SLC35D1: variants seen among roughly 807,000 people sequenced by gnomAD.
SLC35D1 encodes the protein nucleotide sugar transporter SLC35D1.
Under a neutral mutation model 46.7 loss-of-function variants are expected in SLC35D1, and 31 were observed. The ratio of observed to expected loss-of-function variants is 0.66; its 90% CI spans 0.50 to 0.90. SLC35D1 has a LOEUF of 0.90. SLC35D1 is among the 40% of genes least tolerant of loss of function. SLC35D1 has a pLI of 0.00. For missense variants in SLC35D1, 397 were observed against 426.2 expected (o/e 0.93, Z 0.60); for synonymous variants, 195 against 164.6 (o/e 1.18, Z -1.41).
intron 4 of SLC35D1, among the ~76,000 whole-genome samples, chr1:67,051,637 A>C (rs1347293166): frequency 6.6e-6 from 1 of 152,226 alleles, no homozygotes; most frequent in Non-Finnish European, 1.5e-5. Flanking sequence ...TGCTGTGTGG[A>C]AGTTGCCTAA....
chr1:67,022,060 T>C (rs977123859), intron 8 of SLC35D1, among the ~76,000 whole-genome samples: 6 of 152,210 alleles, frequency 3.9e-5, no homozygotes, highest in African/African-American at 1.4e-4. Flanking sequence ...GCCTTAGTTA[T>C]ACAAATTCAG....
chr1:67,022,141 G>A (rs1667819982), intron 8 of SLC35D1, among the ~76,000 whole-genome samples: 1 of 152,156 alleles, frequency 6.6e-6, no homozygotes, highest in Admixed American at 6.5e-5. Flanking sequence ...TTGTGTTGTT[G>A]TTGTTGTCTG....
intron 8 of SLC35D1, among the ~76,000 whole-genome samples, chr1:67,029,100 AC>A (rs960182415): frequency 3.3e-5 from 5 of 152,342 alleles, no homozygotes; most frequent in African/African-American, 9.6e-5. Context: ...TGAATTATAA[AC>A]CTGTACCAAA....
downstream of SLC35D1, among the ~76,000 whole-genome samples, chr1:66,994,607 G>A (rs2102207054): frequency 6.6e-6 from 1 of 151,470 alleles, no homozygotes; most frequent in South Asian, 2.1e-4. Context: ...TCGCGCCACT[G>A]CACTCCAGCC....
chr1:67,029,470 G>A (rs1345381419), intron 8 of SLC35D1, among the ~76,000 whole-genome samples: 3 of 152,150 alleles, frequency 2.0e-5, no homozygotes, highest in Non-Finnish European at 4.4e-5. Context: ...ACAATAAACT[G>A]GCCTACGACT....
At chr1:66,988,455 T>C in the SLC35D1 span, 1 of 152,428 alleles carries the variant, frequency 6.6e-6, no homozygotes, top group African/African-American at 2.4e-5. Flanking sequence ...CTAATACCAG[T>C]TTTCCATAAA....
At chr1:67,004,594 T>A in intron 11 of SLC35D1, 146 bp from the exon 12 acceptor site, 3 of 686,848 alleles carry the variant, frequency 4.4e-6, no homozygotes, top group Non-Finnish European at 7.8e-6. Flanking sequence ...GTACTATGCA[T>A]CCATTAAAAT....
chr1:67,025,071 C>T lies in SLC35D1; in HGVS notation c.730-3469G>A, dbSNP rs58993755. On this transcript the variant is annotated intron_variant, in intron 8 of 11. Coordinates refer to ENST00000235345, the MANE Select transcript of SLC35D1 (RefSeq NM_015139.3). ...CCTTGATTTCCCTTCTTAGTAAGAA[C>T]ACCAGTCATATTGAATTAGTGACCC... Among the ~76,000 whole-genome samples the T allele has an allele frequency of 5.8e-3, 884 of 152,212 alleles. 7 individuals are homozygous for T. Among genetic ancestry groups the T allele is most frequent in the African/African-American group, 0.02 (819 of 41,526 alleles).
Position 67,009,240 on chromosome 1 carries a change from A to G in SLC35D1, c.877-73T>C, listed in dbSNP as rs551897062. The stretch of plus-strand genomic sequence containing the variant: ...TCTTAAATATATATAAAACTCATCC[A>G]AATATCTGTCCTTAAAATACAAAAA... On this transcript the variant is annotated intron_variant, in intron 10 of 11. Transcript: ENST00000235345. The G allele has an allele frequency of 7.5e-6, 4 of 529,838 alleles. No homozygotes were observed. The South Asian group carries it at 8.1e-5, about 11-fold the overall frequency. The allele number at this position is 529,838 out of a possible 1,614,324, so 32.8% of individuals were successfully genotyped here.
At chr1:66,983,446 A>G in the SLC35D1 span, among the ~76,000 whole-genome samples, 1 of 152,018 alleles carries the variant, frequency 6.6e-6, no homozygotes, top group East Asian at 1.9e-4. Flanking sequence ...AAGCAATTAA[A>G]TTGTAATTAT....
intron 8 of SLC35D1, among the ~76,000 whole-genome samples, chr1:67,023,485 C>CAA (rs1667853415): frequency 2.0e-5 from 2 of 97,664 alleles, no homozygotes; most frequent in African/African-American, 9.0e-5. Context: ...AATCTTTTGC[C>CAA]ATTTTTTTTT....
the SLC35D1 span, chr1:66,988,149 G>GT: frequency 1.3e-5 from 2 of 151,512 alleles, no homozygotes; most frequent in African/African-American, 4.9e-5. Context: ...AGATAGTAAG[G>GT]TTTTCCCAAC....
At chr1:67,019,832 T>C (rs1667760706) in intron 10 of SLC35D1, among the ~76,000 whole-genome samples, 1 of 152,200 alleles carries the variant, frequency 6.6e-6, no homozygotes, top group South Asian at 2.1e-4. Context: ...TCAAGTCAAC[T>C]TGGCTCTCCT....
chr1:66,980,233 TATG>T, the SLC35D1 span, among the ~76,000 whole-genome samples: 6 of 152,214 alleles, frequency 3.9e-5, no homozygotes, highest in African/African-American at 4.8e-5. Flanking sequence ...TTTCTATAAT[TATG>T]ATGAGTAGCA....
At chr1:66,984,549 C>T in the SLC35D1 span, 2 of 1,515,710 alleles carry the variant, frequency 1.3e-6, no homozygotes, top group Non-Finnish European at 1.8e-6. Flanking sequence ...ATTGTGGTTT[C>T]ATTTATATTT....
At chr1:67,012,545 C>CAAA (rs10674963) in intron 10 of SLC35D1, among the ~76,000 whole-genome samples, 49,206 of 101,978 alleles carry the variant, frequency 0.48, 12,200 homozygotes, top group East Asian at 0.69. Context: ...ACTCCTAAAT[C>CAAA]AAAAAAAAAA....
intron 8 of SLC35D1, among the ~76,000 whole-genome samples, chr1:67,021,940 C>T (rs982990869): frequency 3.3e-5 from 5 of 152,188 alleles, no homozygotes; most frequent in African/African-American, 9.7e-5. Context: ...GCACAAGCCA[C>T]ATTTGGCTAA....
intron 11 of SLC35D1, chr1:67,008,497 G>A (rs1326306950): frequency 3.9e-6 from 5 of 1,278,842 alleles, no homozygotes; most frequent in Admixed American, 2.3e-5. Context: ...TGAGACAGGG[G>A]CCTTGTTAGA....
At chr1:66,984,583 A>C in the SLC35D1 span, 1 of 1,592,620 alleles carries the variant, frequency 6.3e-7, no homozygotes, top group Non-Finnish European at 8.5e-7. Flanking sequence ...AGTGTCATCT[A>C]ATGGACCAGG....
Sources: allele counts gnomAD v4.1 joint callset (sites outside exome capture counted in the v4.1 genomes callset), GRCh38; gene constraint gnomAD v4.1.1; transcripts MANE v1.5; gene names NCBI Gene and HGNC (gene_info 2026-07-23, HGNC 2026-07-21).